MFHAS1: variants seen among roughly 807,000 people sequenced by gnomAD.
MFHAS1 encodes the protein malignant fibrous histiocytoma-amplified sequence 1.
Under a neutral mutation model 70.4 loss-of-function variants are expected in MFHAS1, and 50 were observed. The ratio of observed to expected loss-of-function variants is 0.71; its 90% CI spans 0.57 to 0.90. The LOEUF (loss-of-function observed/expected upper bound fraction) is 0.90, where lower values mean the gene tolerates loss of function less well. MFHAS1 is among the 40% of genes least tolerant of loss of function. The pLI, the probability that MFHAS1 is intolerant of heterozygous loss-of-function variation, is 0.00. For missense variants in MFHAS1, 1,795 were observed against 1,347.6 expected (o/e 1.33, Z -5.20); for synonymous variants, 952 against 620.0 (o/e 1.54, Z -7.96).
intron 1 of MFHAS1, among the ~76,000 whole-genome samples, chr8:8,805,308 A>G (rs1806248388): frequency 6.6e-6 from 1 of 152,236 alleles, no homozygotes; most frequent in South Asian, 2.1e-4. Context: ...ACTTAACTAC[A>G]AAAAGCCTAC....
At chr8:8,847,303 T>G (rs1001967260) in intron 1 of MFHAS1, among the ~76,000 whole-genome samples, 6 of 152,178 alleles carry the variant, frequency 3.9e-5, no homozygotes, top group African/African-American at 1.4e-4. Context: ...TGCCTCAGTC[T>G]CCTGAGTAGC....
rs542924863 is a variant in MFHAS1, at chr8:8,868,735, C to T, written c.2998+21326G>A. On this transcript the variant is annotated intron_variant, in intron 1 of 2. Transcript: ENST00000276282. ...GCTCCTCTCATAAAGTCGGTAGTAA[C>T]CTTAACATAGAAAGAAGTTATAAAT... Among the ~76,000 whole-genome samples the T allele has an allele frequency of 2.0e-5, 3 of 152,234 alleles. No individual in the cohort carries two copies. The South Asian group carries it at 6.2e-4, about 32-fold the overall frequency.
intron 2 of MFHAS1, among the ~76,000 whole-genome samples, chr8:8,792,722 C>T (rs1183589750): frequency 1.3e-5 from 2 of 152,134 alleles, no homozygotes; most frequent in Non-Finnish European, 2.9e-5. Flanking sequence ...GGTGAAGGAA[C>T]GTTCTAAAAT....
intron 1 of MFHAS1, among the ~76,000 whole-genome samples, chr8:8,828,489 T>C (rs1448141524): frequency 1.3e-5 from 2 of 152,048 alleles, no homozygotes; most frequent in Non-Finnish European, 2.9e-5. Flanking sequence ...TCTTAGGCCG[T>C]CTTCACAGAA....
intron 1 of MFHAS1, among the ~76,000 whole-genome samples, chr8:8,827,020 T>C (rs1807189863): frequency 2.0e-5 from 3 of 152,240 alleles, no homozygotes; most frequent in Admixed American, 2.0e-4. Flanking sequence ...TTTTTGTTAA[T>C]TTATAGCTAA....
chr8:8,786,406 T>C (rs909235510), intron 2 of MFHAS1, among the ~76,000 whole-genome samples: 3 of 152,174 alleles, frequency 2.0e-5, no homozygotes, highest in Non-Finnish European at 4.4e-5. Context: ...CTGTTTCCTT[T>C]CAATAAACAC....
chr8:8,874,589 G>C lies in MFHAS1; in HGVS notation c.2998+15472C>G, dbSNP rs567051644. Among the ~76,000 whole-genome samples the C allele has an allele frequency of 8.2e-4, 125 of 152,176 alleles. 1 individual carries two copies. Among genetic ancestry groups the C allele is most frequent in the African/African-American group, 2.9e-3 (121 of 41,514 alleles). Reference sequence around the variant, plus strand: ...TTGGGGAGGGGTTATGAAAAAGGGGGCTTTGCTAATGAATCTACCATCCAC... The same window carrying C: ...TTGGGGAGGGGTTATGAAAAAGGGGCCTTTGCTAATGAATCTACCATCCAC... On this transcript the variant is annotated intron_variant, in intron 1 of 2. Transcript: ENST00000276282.
intron 1 of MFHAS1, among the ~76,000 whole-genome samples, chr8:8,840,410 T>C (rs961393974): frequency 6.0e-5 from 9 of 150,192 alleles, no homozygotes; most frequent in Non-Finnish European, 8.8e-5. Context: ...TGAGCCGAGA[T>C]TGTGCCACTG....
At chr8:8,823,294 A>G (rs2117307486) in intron 1 of MFHAS1, among the ~76,000 whole-genome samples, 1 of 152,334 alleles carries the variant, frequency 6.6e-6, no homozygotes, top group Non-Finnish European at 1.5e-5. Flanking sequence ...TTGCTTTCAG[A>G]TGAATAATGT....
intron 1 of MFHAS1, among the ~76,000 whole-genome samples, chr8:8,824,521 T>TCTCACACACACA (rs1484537416): frequency 2.3e-4 from 34 of 146,020 alleles, no homozygotes; most frequent in African/African-American, 8.5e-4. Context: ...TCTCTCTCTT[T>TCTCACACACACA]CACACACACA....
chr8:8,783,719 T>C lies in MFHAS1; in HGVS notation c.*2303A>G, dbSNP rs1805439345. The C allele has an allele frequency of 6.6e-6, 1 of 152,222 alleles. No individual in the cohort carries two copies. Among genetic ancestry groups the C allele is most frequent in the Non-Finnish European group, 1.5e-5 (1 of 68,046 alleles). The allele number at this position is 152,222 out of a possible 1,614,324, so 9.4% of individuals were successfully genotyped here. On this transcript the variant is annotated 3_prime_UTR_variant, in exon 3 of 3. Transcript: ENST00000276282. ...GGACGCCTTGCTTAGAAAACATTCC[T>C]CTTGTGCTTAGTGAATCACCTATCG...
At chr8:8,820,345 G>C (rs1452232628) in intron 1 of MFHAS1, among the ~76,000 whole-genome samples, 1 of 151,748 alleles carries the variant, frequency 6.6e-6, no homozygotes, top group East Asian at 1.9e-4. Flanking sequence ...TTTTCCAAAA[G>C]CGCATGCACA....
intron 2 of MFHAS1, among the ~76,000 whole-genome samples, chr8:8,791,125 G>GTT (rs34714915): frequency 5.4e-4 from 71 of 132,628 alleles, no homozygotes; most frequent in South Asian, 1.5e-3. Context: ...CACCCCACCC[G>GTT]TTTTTTTTTT....
chr8:8,871,571 G>T (rs779975558), intron 1 of MFHAS1, among the ~76,000 whole-genome samples: 42 of 152,258 alleles, frequency 2.8e-4, no homozygotes, highest in Non-Finnish European at 5.6e-4. Context: ...AAAACTACTT[G>T]GGGACTTGAC....
intron 2 of MFHAS1, among the ~76,000 whole-genome samples, chr8:8,796,158 G>C (rs1221668409): frequency 1.3e-5 from 2 of 152,140 alleles, no homozygotes; most frequent in African/African-American, 4.8e-5. Flanking sequence ...TAGAATAGTA[G>C]TAACCCAATG....
chr8:8,867,603 G>T (rs1312652819), intron 1 of MFHAS1, among the ~76,000 whole-genome samples: 3 of 151,202 alleles, frequency 2.0e-5, no homozygotes, highest in Non-Finnish European at 2.9e-5. Flanking sequence ...TGTCTCCTAG[G>T]CTGGAGTGCA....
At chr8:8,791,967 C>A (rs1453284071) in intron 2 of MFHAS1, among the ~76,000 whole-genome samples, 1 of 152,176 alleles carries the variant, frequency 6.6e-6, no homozygotes, top group Non-Finnish European at 1.5e-5. Flanking sequence ...ATCGGCCAGG[C>A]ACGGTGGCTC....
chr8:8,813,840 C>A (rs907631804), intron 1 of MFHAS1, among the ~76,000 whole-genome samples: 4 of 152,068 alleles, frequency 2.6e-5, no homozygotes, highest in African/African-American at 9.7e-5. Flanking sequence ...ACGTCCTGAG[C>A]CTCCATATTC....
intron 1 of MFHAS1, among the ~76,000 whole-genome samples, chr8:8,879,553 A>C (rs1298903134): frequency 6.6e-6 from 1 of 152,188 alleles, no homozygotes; most frequent in Non-Finnish European, 1.5e-5. Context: ...ATTACTTTCC[A>C]CCTACTCATA....
Sources: gnomAD v4.1 joint callset for allele counts (sites outside exome capture counted in the v4.1 genomes callset) on GRCh38, gnomAD v4.1.1 for gene constraint, MANE v1.5 for transcripts, NCBI Gene and HGNC (gene_info 2026-07-23, HGNC 2026-07-21) for gene names.